The following PDE1A variants were observed in gnomAD, a reference collection of about 807,000 sequenced individuals.
PDE1A encodes phosphodiesterase 1A.
PDE1A carries 35 observed loss-of-function variants against 61.7 expected under a neutral mutation model. The ratio of observed to expected loss-of-function variants is 0.57; its 90% confidence interval spans 0.43 to 0.75. PDE1A has a LOEUF of 0.75. Among genes scored for constraint, PDE1A ranks in the 30% least tolerant of loss-of-function variants. PDE1A has a pLI of 0.00. For missense variants in PDE1A, 597 were observed against 630.6 expected (o/e 0.95, Z 0.57); for synonymous variants, 232 against 213.2 (o/e 1.09, Z -0.77).
At chr2:182,225,039 A>C (rs953449361) in intron 6 of PDE1A, among the ~76,000 whole-genome samples, 1 of 152,016 alleles carries the variant, frequency 6.6e-6, no homozygotes, top group Non-Finnish European at 1.5e-5. Flanking sequence ...CTATGTGCAC[A>C]CTTGATAAAA....
the PDE1A span, among the ~76,000 whole-genome samples, chr2:182,688,414 T>A: frequency 6.6e-6 from 1 of 152,154 alleles, no homozygotes; most frequent in Non-Finnish European, 1.5e-5. Context: ...CAGAAGTTCA[T>A]ATCCAGCCAA....
the PDE1A span, among the ~76,000 whole-genome samples, chr2:182,641,210 AGAG>A: frequency 1.3e-5 from 2 of 152,096 alleles, no homozygotes; most frequent in South Asian, 2.1e-4. Context: ...TGCCTATGTA[AGAG>A]GAGAAGTGGG....
chr2:182,529,000 A>G, the PDE1A span, among the ~76,000 whole-genome samples: 10,441 of 152,280 alleles, frequency 0.069, 394 homozygotes, highest in Middle Eastern at 0.1. Context: ...CTTGGGCAGT[A>G]TGGAAGGGAA....
At chr2:182,645,295 G>T in the PDE1A span, among the ~76,000 whole-genome samples, 2 of 151,236 alleles carry the variant, frequency 1.3e-5, no homozygotes, top group Admixed American at 1.3e-4. Context: ...GTATTTTTGT[G>T]GCTACTTTCT....
At position 182,404,597 on chromosome 2, in the gene PDE1A, A is replaced by C. The variant is rs145042882; in HGVS notation, c.53+21981T>G. Among the ~76,000 whole-genome samples the C allele has an allele frequency of 3.7e-3, 568 of 152,206 alleles. 2 individuals are homozygous for C. The highest frequency in any genetic ancestry group is 0.013 in the African/African-American group (536 of 41,536). On this transcript the variant is annotated intron_variant, in intron 1 of 13. Coordinates refer to ENST00000351439, the Ensembl canonical transcript of PDE1A. The stretch of plus-strand genomic sequence containing the variant: ...TTGTACAAAAATATTTTCTTTCTTT[A>C]TGTCCTTATTCTATCAGATGTTCTG...
the PDE1A span, among the ~76,000 whole-genome samples, chr2:182,682,626 G>C: frequency 2.6e-5 from 4 of 152,158 alleles, no homozygotes; most frequent in Non-Finnish European, 4.4e-5. Flanking sequence ...CTAAATATCA[G>C]CTCTATGGAA....
At chr2:182,419,232 G>A (rs1341114182) in intron 1 of PDE1A, among the ~76,000 whole-genome samples, 1 of 151,920 alleles carries the variant, frequency 6.6e-6, no homozygotes, top group Non-Finnish European at 1.5e-5. Context: ...TTCATTCAAG[G>A]ATTATATACT....
chr2:182,392,949 C>G (rs563170873), intron 1 of PDE1A, among the ~76,000 whole-genome samples: 1 of 152,386 alleles, frequency 6.6e-6, no homozygotes, highest in South Asian at 2.1e-4. Context: ...TGTGGCTTTT[C>G]CAGATACACA....
chr2:182,230,336 ACC>A (rs964346942), intron 5 of PDE1A, among the ~76,000 whole-genome samples, 190 bp from the exon 6 acceptor site: 2 of 152,070 alleles, frequency 1.3e-5, no homozygotes, highest in Non-Finnish European at 2.9e-5. Flanking sequence ...AAAGATTGTA[ACC>A]CCCAAGTATT....
chr2:182,141,004 G>A (rs1690205799), exon 15 of PDE1A: 1 of 148,308 alleles, frequency 6.7e-6, no homozygotes, highest in Admixed American at 6.8e-5. Context: ...TGCTTTATAA[G>A]TCGCATAACC....
At chr2:182,197,932 T>G (rs1424353565) in intron 10 of PDE1A, among the ~76,000 whole-genome samples, 1 of 151,968 alleles carries the variant, frequency 6.6e-6, no homozygotes, top group Non-Finnish European at 1.5e-5. Context: ...CCTTTCAACT[T>G]CTACAAATAA....
intron 2 of PDE1A, among the ~76,000 whole-genome samples, chr2:182,473,351 A>G (rs1270904968): frequency 6.6e-6 from 1 of 151,866 alleles, no homozygotes; most frequent in Non-Finnish European, 1.5e-5. Flanking sequence ...AACCTACAAA[A>G]TGGGAGAAAA....
chr2:182,659,339 T>TTATATATATATATATA, the PDE1A span, among the ~76,000 whole-genome samples: 1 of 152,184 alleles, frequency 6.6e-6, no homozygotes, highest in South Asian at 2.1e-4. Context: ...TTTGTTCCCT[T>TTATATATATATATATA]TATAAATAAG....
chr2:182,488,569 C>G (rs1293738258), intron 2 of PDE1A, among the ~76,000 whole-genome samples: 2 of 152,110 alleles, frequency 1.3e-5, no homozygotes, highest in African/African-American at 4.8e-5. Flanking sequence ...TAACACTATA[C>G]TATTACTAAA....
intron 2 of PDE1A, among the ~76,000 whole-genome samples, chr2:182,494,240 G>A (rs1288371993): frequency 3.3e-5 from 5 of 151,732 alleles, no homozygotes; most frequent in Admixed American, 6.6e-5. Flanking sequence ...CCTTAGAACT[G>A]TCAATTTTGT....
chr2:182,430,963 C>T (rs1450903662), upstream of PDE1A, among the ~76,000 whole-genome samples: 2 of 74,386 alleles, frequency 2.7e-5, no homozygotes, highest in Admixed American at 1.7e-4. Context: ...GTGGTGGGGT[C>T]GGGGAGGGGG....
chr2:182,409,008 C>T (rs1170730081), intron 1 of PDE1A, among the ~76,000 whole-genome samples: 2 of 152,192 alleles, frequency 1.3e-5, no homozygotes, highest in East Asian at 1.9e-4. Flanking sequence ...GGTCTTCTGC[C>T]TCCACAGTAG....
intron 1 of PDE1A, among the ~76,000 whole-genome samples, chr2:182,308,776 T>C (rs1285011622): frequency 6.6e-6 from 1 of 152,100 alleles, no homozygotes; most frequent in African/African-American, 2.4e-5. Context: ...TTATATTTAG[T>C]TGAAGGCAAA....
intron 13 of PDE1A, among the ~76,000 whole-genome samples, chr2:182,170,213 G>C (rs1692064444): frequency 6.6e-6 from 1 of 152,018 alleles, no homozygotes; most frequent in Non-Finnish European, 1.5e-5. Flanking sequence ...TGTGACGTTA[G>C]ACAAATAATT....
Sources: allele counts gnomAD v4.1 joint callset (sites outside exome capture counted in the v4.1 genomes callset), GRCh38; gene constraint gnomAD v4.1.1; transcripts MANE v1.5; gene names NCBI Gene and HGNC (gene_info 2026-07-23, HGNC 2026-07-21).